The following CADM2 variants were observed in gnomAD, a reference collection of about 807,000 sequenced individuals.
The protein encoded by CADM2 is immunoglobulin superfamily member 4D.
In CADM2, 12 loss-of-function variants were observed where a neutral mutation model predicts 49.8. The observed-to-expected ratio is 0.24, with a 90% CI of 0.15 to 0.39. The LOEUF is 0.39. Among genes scored for constraint, CADM2 ranks in the 10% least tolerant of loss-of-function variants. CADM2 has a pLI of 1.00. For missense variants in CADM2, 378 were observed against 492.3 expected (o/e 0.77, Z 2.20); for synonymous variants, 214 against 175.4 (o/e 1.22, Z -1.74).
At chr3:85,480,684 C>T (rs1299449766) in intron 1 of CADM2, among the ~76,000 whole-genome samples, 4 of 151,894 alleles carry the variant, frequency 2.6e-5, no homozygotes, top group Non-Finnish European at 4.4e-5. Context: ...ACTTCTTGTG[C>T]AGAATCTCAT....
intron 1 of CADM2, among the ~76,000 whole-genome samples, chr3:85,660,153 C>T (rs777757688): frequency 1.2e-4 from 18 of 152,082 alleles, no homozygotes; most frequent in Non-Finnish European, 2.2e-4. Flanking sequence ...GTGAGATGCA[C>T]CCTCTCTGGG....
intron 1 of CADM2, among the ~76,000 whole-genome samples, chr3:85,239,157 A>G (rs1214961671): frequency 6.6e-6 from 1 of 151,856 alleles, no homozygotes; most frequent in Admixed American, 6.6e-5. Flanking sequence ...ACTCAATGTT[A>G]GACACAAGCA....
intron 2 of CADM2, among the ~76,000 whole-genome samples, chr3:85,799,776 C>A (rs1289208953): frequency 2.0e-5 from 3 of 152,176 alleles, no homozygotes; most frequent in Non-Finnish European, 2.9e-5. Flanking sequence ...CAGAGTGGCA[C>A]CTGCCAGATG....
At chr3:85,499,381 G>T (rs1356959275) in intron 1 of CADM2, among the ~76,000 whole-genome samples, 1 of 152,014 alleles carries the variant, frequency 6.6e-6, no homozygotes, top group African/African-American at 2.4e-5. Context: ...CTGCTCTAAA[G>T]TTCCCTTGGT....
At chr3:85,548,387 C>T (rs984440392) in intron 1 of CADM2, among the ~76,000 whole-genome samples, 5 of 151,632 alleles carry the variant, frequency 3.3e-5, no homozygotes, top group African/African-American at 1.2e-4. Context: ...ACTGTTTTAG[C>T]CTGTGGCTTT....
intron 1 of CADM2, among the ~76,000 whole-genome samples, chr3:85,020,572 A>G (rs1271280440): frequency 6.6e-6 from 1 of 152,242 alleles, no homozygotes; most frequent in African/African-American, 2.4e-5. Context: ...TGATAAAAAT[A>G]TAAAATGCAA....
intron 1 of CADM2, among the ~76,000 whole-genome samples, chr3:85,105,942 G>C (rs992991674): frequency 7.9e-5 from 12 of 151,774 alleles, no homozygotes; most frequent in African/African-American, 2.9e-4. Context: ...TGGGGACTGT[G>C]GTGGGGTGGG....
At chr3:85,226,468 A>G (rs1188745112) in intron 1 of CADM2, among the ~76,000 whole-genome samples, 1 of 152,032 alleles carries the variant, frequency 6.6e-6, no homozygotes, top group Non-Finnish European at 1.5e-5. Context: ...TGGGGGTGAT[A>G]TCACCTTTAT....
intron 1 of CADM2, among the ~76,000 whole-genome samples, chr3:85,714,237 GT>G (rs1559608965): frequency 6.6e-6 from 1 of 152,066 alleles, no homozygotes; most frequent in Non-Finnish European, 1.5e-5. Flanking sequence ...TTACTATCTA[GT>G]AATAAAGAGT....
intron 1 of CADM2, among the ~76,000 whole-genome samples, chr3:85,684,272 A>G (rs1271022628): frequency 6.6e-6 from 1 of 152,154 alleles, no homozygotes; most frequent in African/African-American, 2.4e-5. Flanking sequence ...ACCATACTTA[A>G]CCTGGTGATG....
intron 1 of CADM2, among the ~76,000 whole-genome samples, chr3:85,508,685 C>A (rs1036498945): frequency 5.9e-5 from 9 of 152,064 alleles, no homozygotes; most frequent in African/African-American, 1.9e-4. Flanking sequence ...AAGGAAAATT[C>A]TTTGGTCTTG....
chr3:85,389,078 A>T (rs2034391873), intron 1 of CADM2, among the ~76,000 whole-genome samples: 1 of 152,000 alleles, frequency 6.6e-6, no homozygotes. Context: ...CTGTACATTC[A>T]CCCTTATTTA....
intron 2 of CADM2, among the ~76,000 whole-genome samples, chr3:85,758,524 T>A (rs2069225014): frequency 6.6e-6 from 1 of 152,144 alleles, no homozygotes; most frequent in Admixed American, 6.6e-5. Flanking sequence ...ATTTTATGTG[T>A]TTCTTTATAA....
chr3:86,032,238 T>A (rs1332854413), intron 8 of CADM2, among the ~76,000 whole-genome samples: 1 of 151,810 alleles, frequency 6.6e-6, no homozygotes, highest in Non-Finnish European at 1.5e-5. Context: ...AGATATACAA[T>A]GCCTTGTTTT....
intron 1 of CADM2, among the ~76,000 whole-genome samples, chr3:85,536,058 G>A (rs1165804873): frequency 6.6e-6 from 1 of 151,988 alleles, no homozygotes; most frequent in Non-Finnish European, 1.5e-5. Context: ...AGTATTAGGG[G>A]ATTCACAGAC....
rs2034232071 is a variant in CADM2 at position 85,386,354 on chromosome 3, GGTC to G, written c.62-340167_62-340165del. Among the ~76,000 whole-genome samples the G allele has an allele frequency of 6.6e-5, 10 of 152,126 alleles. No individual in the cohort carries two copies. The South Asian group carries it at 2.1e-3, about 32-fold the overall frequency. On this transcript the variant is annotated intron_variant, in intron 1 of 9. Coordinates refer to ENST00000383699, the MANE Select transcript of CADM2 (RefSeq NM_001167675.2). Reference sequence around the variant, plus strand: ...AAAGTATAAAGTATTAAGGAGAGCAGGTCCCATCCTGAAACTGGAGAATGGGAA... The same window carrying G: ...AAAGTATAAAGTATTAAGGAGAGCAGCCATCCTGAAACTGGAGAATGGGAA...
intron 1 of CADM2, among the ~76,000 whole-genome samples, chr3:85,632,459 C>T (rs555557138): frequency 3.3e-5 from 5 of 152,080 alleles, no homozygotes; most frequent in African/African-American, 9.7e-5. Flanking sequence ...AATAATGCGT[C>T]GAGAGCTGTT....
intron 1 of CADM2, among the ~76,000 whole-genome samples, chr3:85,549,157 A>C (rs2107102213): frequency 6.6e-6 from 1 of 152,302 alleles, no homozygotes; most frequent in African/African-American, 2.4e-5. Context: ...GTATTTTGTT[A>C]ATAATATGCT....
intron 7 of CADM2, among the ~76,000 whole-genome samples, chr3:85,951,213 A>G (rs572896241): frequency 6.6e-6 from 1 of 151,254 alleles, no homozygotes; most frequent in Non-Finnish European, 1.5e-5. Flanking sequence ...AGAAATATTT[A>G]AAACAAAAGA....
Sources: allele counts gnomAD v4.1 joint callset (sites outside exome capture counted in the v4.1 genomes callset), GRCh38; gene constraint gnomAD v4.1.1; transcripts MANE v1.5; gene names NCBI Gene and HGNC (gene_info 2026-07-23, HGNC 2026-07-21).